The following KLF12 variants were observed in gnomAD, a reference collection of about 807,000 sequenced individuals.
KLF12 encodes KLF transcription factor 12.
In KLF12, 9 loss-of-function variants were observed where a neutral mutation model predicts 37.8. The ratio of observed to expected loss-of-function variants is 0.24; its 90% CI spans 0.14 to 0.42. The LOEUF is 0.42. Ranked by LOEUF, KLF12 falls within the 10% of genes least tolerant of loss-of-function variation. KLF12 has a pLI of 1.00. For synonymous variants in KLF12, 208 were observed against 202.1 expected, an observed-to-expected ratio of 1.03 and a Z score of -0.25; for missense variants, 411 against 516.0, an observed-to-expected ratio of 0.80 and a Z score of 1.97.
At chr13:73,974,874 C>T (rs950035004) in intron 2 of KLF12, among the ~76,000 whole-genome samples, 1 of 152,122 alleles carries the variant, frequency 6.6e-6, no homozygotes, top group South Asian at 2.1e-4. Context: ...CTATTATTTG[C>T]TGTTTGTTTA....
At chr13:74,218,404 T>TG in the KLF12 span, among the ~76,000 whole-genome samples, 2 of 152,180 alleles carry the variant, frequency 1.3e-5, no homozygotes, top group African/African-American at 4.8e-5. Context: ...TGCGGTTGTC[T>TG]GGGAAAAACA....
rs762497505 is a variant in KLF12, at chr13:73,943,959, A to G, written c.123+22T>C. The G allele has an allele frequency of 8.7e-6, 13 of 1,488,798 alleles. No individual in the cohort carries two copies. In the Admixed American group the frequency reaches 2.2e-4, roughly 25 times the overall value. The allele number at this position is 1,488,798 out of a possible 1,614,324, so 92.2% of individuals were successfully genotyped here. On this transcript the variant is annotated intron_variant, in intron 3 of 7. Transcript: ENST00000377669. ...CCACTCTCATCAAAAGGAGTGGGGC[A>G]TTGCTGGAAACTTGTGCTTACCCCT...
At chr13:74,215,313 T>C in the KLF12 span, among the ~76,000 whole-genome samples, 2 of 152,040 alleles carry the variant, frequency 1.3e-5, no homozygotes, top group Admixed American at 1.3e-4. Flanking sequence ...TTTAGCAATG[T>C]TATTTTTATT....
intron 6 of KLF12, among the ~76,000 whole-genome samples, chr13:73,741,650 A>T (rs941118940): frequency 6.6e-6 from 1 of 152,188 alleles, no homozygotes; most frequent in African/African-American, 2.4e-5. Flanking sequence ...GGCTAATCTA[A>T]GAGGATTACA....
At chr13:73,915,689 ATTTTTTTTTTTTTT>A (rs140697314) in intron 3 of KLF12, among the ~76,000 whole-genome samples, 2 of 99,128 alleles carry the variant, frequency 2.0e-5, no homozygotes, top group Admixed American at 1.1e-4. Flanking sequence ...ATTTTTTTGT[ATTTTTTTTTTTTTT>A]TTTTTTTTTT....
chr13:73,744,417 G>C (rs1482895507), intron 6 of KLF12, among the ~76,000 whole-genome samples: 4 of 152,162 alleles, frequency 2.6e-5, no homozygotes, highest in Non-Finnish European at 5.9e-5. Flanking sequence ...TTTTGAAAGG[G>C]TGAGTGTAGG....
At chr13:73,771,735 A>C (rs1383665204) in intron 5 of KLF12, among the ~76,000 whole-genome samples, 2 of 152,238 alleles carry the variant, frequency 1.3e-5, no homozygotes, top group Non-Finnish European at 2.9e-5. Context: ...ATTACAAAAT[A>C]AGATAGGAAA....
chr13:73,907,257 C>T (rs532467275), intron 3 of KLF12, among the ~76,000 whole-genome samples: 5 of 152,262 alleles, frequency 3.3e-5, no homozygotes, highest in Admixed American at 6.5e-5. Flanking sequence ...GGTCAATAAT[C>T]TGTTAATGTC....
At chr13:74,034,046 T>C (rs1893181935) in intron 1 of KLF12, among the ~76,000 whole-genome samples, 1 of 151,948 alleles carries the variant, frequency 6.6e-6, no homozygotes, top group Admixed American at 6.6e-5. Flanking sequence ...CATTTACGCA[T>C]TCACTTTTTT....
intron 3 of KLF12, among the ~76,000 whole-genome samples, chr13:73,857,241 CA>C (rs1235758350): frequency 1.3e-5 from 2 of 152,010 alleles, no homozygotes; most frequent in African/African-American, 2.4e-5. Context: ...GAGAACATCC[CA>C]GGGGCAACAT....
chr13:73,786,753 A>G (rs1881375088), intron 5 of KLF12, among the ~76,000 whole-genome samples: 1 of 105,034 alleles, frequency 9.5e-6, no homozygotes, highest in Non-Finnish European at 2.0e-5. Flanking sequence ...AAAAATTACA[A>G]ATACAAAAAA....
intron 2 of KLF12, among the ~76,000 whole-genome samples, chr13:73,981,243 A>G (rs958603775): frequency 6.6e-5 from 10 of 152,228 alleles, no homozygotes; most frequent in South Asian, 4.1e-4. Flanking sequence ...AAATTTCTCT[A>G]CAATCCAGCA....
chr13:73,939,257 T>G (rs1290451403), intron 3 of KLF12, among the ~76,000 whole-genome samples: 1 of 152,220 alleles, frequency 6.6e-6, no homozygotes, highest in Non-Finnish European at 1.5e-5. Context: ...CTCTGAGTCC[T>G]CTGCACCTAT....
At chr13:73,848,910 T>C (rs1885168361) in intron 3 of KLF12, among the ~76,000 whole-genome samples, 1 of 152,126 alleles carries the variant, frequency 6.6e-6, no homozygotes, top group Non-Finnish European at 1.5e-5. Context: ...CACTCAAAAA[T>C]AATGCTTCAT....
intron 1 of KLF12, among the ~76,000 whole-genome samples, chr13:74,016,346 G>A (rs1358459120): frequency 2.6e-5 from 4 of 151,978 alleles, no homozygotes; most frequent in Non-Finnish European, 5.9e-5. Context: ...CGGAGTATCT[G>A]GAATTCCAGA....
the KLF12 span, among the ~76,000 whole-genome samples, chr13:74,188,323 A>G: frequency 6.6e-6 from 1 of 152,154 alleles, no homozygotes; most frequent in South Asian, 2.1e-4. Context: ...AACAGACCCA[A>G]ATTATGTCAC....
At chr13:73,827,859 G>A (rs56850540) in intron 4 of KLF12, among the ~76,000 whole-genome samples, 3 of 151,960 alleles carry the variant, frequency 2.0e-5, no homozygotes, top group Non-Finnish European at 2.9e-5. Flanking sequence ...CACTGTGTCC[G>A]GGCCCATCCA....
At chr13:73,848,557 T>C (rs1479401070) in intron 3 of KLF12, among the ~76,000 whole-genome samples, 1 of 148,162 alleles carries the variant, frequency 6.7e-6, no homozygotes, top group Middle Eastern at 3.3e-3. Flanking sequence ...ATATATTATA[T>C]ATAATATATA....
intron 2 of KLF12, among the ~76,000 whole-genome samples, chr13:73,948,691 A>G (rs1272962561): frequency 6.6e-6 from 1 of 152,208 alleles, no homozygotes; most frequent in Non-Finnish European, 1.5e-5. Context: ...CCTAACAACC[A>G]CAAACACCAA....
Sources: allele counts gnomAD v4.1 joint callset (sites outside exome capture counted in the v4.1 genomes callset), GRCh38; gene constraint gnomAD v4.1.1; transcripts MANE v1.5; gene names NCBI Gene and HGNC (gene_info 2026-07-23, HGNC 2026-07-21).